LSM3: variants seen among roughly 807,000 people sequenced by gnomAD.
LSM3 encodes the protein U6 snRNA-associated Sm-like protein LSm3.
In LSM3, 14 loss-of-function variants were observed where a neutral mutation model predicts 15.4. That is an observed-to-expected ratio of 0.91 (90% CI 0.60 to 1.42). The LOEUF (loss-of-function observed/expected upper bound fraction) is 1.42, where lower values mean the gene tolerates loss of function less well. LSM3 is among the 40% of genes most tolerant of loss of function. LSM3 has a pLI of 0.00. For missense variants in LSM3, 88 were observed against 127.9 expected (o/e 0.69, Z 1.50); for synonymous variants, 46 against 45.1 (o/e 1.02, Z -0.08).
chr3:14,187,271 T>A (rs768571002), intron 3 of LSM3, among the ~76,000 whole-genome samples: 2 of 152,190 alleles, frequency 1.3e-5, no homozygotes, highest in Non-Finnish European at 2.9e-5. Flanking sequence ...CCATTAAGAT[T>A]AATTGCTGCC....
At chr3:14,195,404 C>A (rs750819204) in intron 3 of LSM3, among the ~76,000 whole-genome samples, 14 of 152,170 alleles carry the variant, frequency 9.2e-5, no homozygotes, top group African/African-American at 2.2e-4. Flanking sequence ...TCTGCTCCCC[C>A]CCACCCACAC....
In LSM3 at chr3:14,192,724, T is replaced by C. The variant is rs545628679; in HGVS notation, c.229-5312T>C. On this transcript the variant is annotated intron_variant, in intron 3 of 3. Coordinates refer to ENST00000306024, the MANE Select transcript of LSM3 (RefSeq NM_014463.3). Reference sequence around the variant, plus strand: ...ACAGCACACTGATGGGTCTTGACTCTATCCAGTTTGCCAGTCTGTTTCTTT... The same window carrying C: ...ACAGCACACTGATGGGTCTTGACTCCATCCAGTTTGCCAGTCTGTTTCTTT... Among the ~76,000 whole-genome samples the C allele has an allele frequency of 7.9e-5, 12 of 152,358 alleles. No homozygotes were observed. In the South Asian group the frequency reaches 8.3e-4, roughly 11 times the overall value.
Position 14,183,972 on chromosome 3 carries a change from T to C in LSM3, c.168T>C (p.Asp56=), listed in dbSNP as rs1478679329. The C allele has an allele frequency of 6.2e-7, 1 of 1,609,398 alleles. No individual in the cohort carries two copies. Among genetic ancestry groups the C allele is most frequent in the African/African-American group, 1.3e-5 (1 of 74,720 alleles). Residue 56 remains aspartate, a synonymous_variant, in exon 3 of 4, where the codon GAT becomes GAC. Transcript: ENST00000306024. ...AACATTTAAATATGATCTTGGGAGATGTGGAAGAAACTGTGACTACTATAG... is the reference window on the plus strand; with the variant it reads ...AACATTTAAATATGATCTTGGGAGACGTGGAAGAAACTGTGACTACTATAG... The part of the protein sequence containing the change: ...YDQHLNMILG[D]VEETVTTIEI...
rs145388630 is a variant in LSM3, at chr3:14,198,111, G to A, written c.304G>A (p.Gly102Ser). Residue 102 changes from glycine to serine, a missense_variant, in exon 4 of 4, where the codon GGC becomes AGC. Physicochemically the swap from Gly to Ser is moderately conservative, Grantham distance 56. Coordinates refer to ENST00000306024, the MANE Select transcript of LSM3 (RefSeq NM_014463.3). ...VVLVAPPLRV[G>S] ...CCTGGTTGCCCCTCCACTGAGAGTT[G>A]GCTGAAACAAAGAATTTGTCCTGTA... 3.8e-5 allele frequency: 62 copies of A among 1,612,486 alleles called. No homozygotes were observed. The highest frequency in any genetic ancestry group is 4.7e-5 in the Non-Finnish European group (55 of 1,179,344).
At position 14,199,662 on chromosome 3, in the gene LSM3, TC is replaced by T. The variant is rs1187878019; in HGVS notation, c.*1550del. 1 of 152,226 alleles carries T rather than the reference TC, an allele frequency of 6.6e-6. No homozygotes were observed. The highest frequency in any genetic ancestry group is 1.5e-5 in the Non-Finnish European group (1 of 68,050). The allele number at this position is 152,226 out of a possible 1,614,324, so 9.4% of individuals were successfully genotyped here. On this transcript the variant is annotated 3_prime_UTR_variant, in exon 4 of 4. Transcript: ENST00000306024. ...AGACACCCTCCCTTCACTTGTGCCA[TC>T]CCCACGCTTTGTCCTTAAGCTGTAG...
chr3:14,193,279 A>T (rs776176308), intron 3 of LSM3, among the ~76,000 whole-genome samples: 8 of 152,102 alleles, frequency 5.3e-5, no homozygotes, highest in Non-Finnish European at 7.3e-5. Context: ...CTTGAGGAGT[A>T]TCTTTGTGGT....
chr3:14,184,089 A>G, intron 3 of LSM3, 57 bp downstream of exon 3: 1 of 1,529,774 alleles, frequency 6.5e-7, no homozygotes, highest in Non-Finnish European at 8.8e-7. Flanking sequence ...TCTCTCGAAC[A>G]GCTTAACCCA....
In LSM3 at chr3:14,199,386, T is replaced by A. The variant is rs950784318; in HGVS notation, c.*1270T>A. On this transcript the variant is annotated 3_prime_UTR_variant, in exon 4 of 4. Transcript: ENST00000306024. ...CCGCTATGGTCATTCCATTTTGAAA[T>A]GTAGAAAATCCAACTTGTGGATGGT... The A allele has an allele frequency of 7.9e-5, 12 of 152,220 alleles. No homozygotes were observed. The highest frequency in any genetic ancestry group is 2.9e-4 in the African/African-American group (12 of 41,450). The allele number at this position is 152,220 out of a possible 1,614,324, so 9.4% of individuals were successfully genotyped here.
At chr3:14,180,061 T>C (rs1310624115) in intron 1 of LSM3, among the ~76,000 whole-genome samples, 1 of 152,148 alleles carries the variant, frequency 6.6e-6, no homozygotes, top group Non-Finnish European at 1.5e-5. Context: ...TCATCAGGCC[T>C]TTTGAATCTT....
At chr3:14,186,557 TTC>T (rs1697091364) in intron 3 of LSM3, among the ~76,000 whole-genome samples, 2 of 152,260 alleles carry the variant, frequency 1.3e-5, no homozygotes, top group East Asian at 3.8e-4. Context: ...TTTGCTAGTG[TTC>T]TTTCTCCTTC....
Position 14,178,849 on chromosome 3 carries a change from A to C in LSM3, c.-12A>C. On this transcript the variant is annotated 5_prime_UTR_variant, in exon 1 of 4. Transcript: ENST00000306024. ...TCTCGCGAGAGGCGGGAAAGGGCGC[A>C]GGGTTTGAAACATGGCGGACGACGT... The C allele has an allele frequency of 1.2e-6, 2 of 1,614,242 alleles. No individual in the cohort carries two copies. Among genetic ancestry groups the C allele is most frequent in the Non-Finnish European group, 1.7e-6 (2 of 1,180,032 alleles).
intron 1 of LSM3, among the ~76,000 whole-genome samples, chr3:14,179,242 A>G (rs36208720): frequency 1.6e-4 from 25 of 152,366 alleles, no homozygotes; most frequent in African/African-American, 5.8e-4. Flanking sequence ...TAGAGTGAAC[A>G]TCAGCTTTGT....
intron 2 of LSM3, 53 bp downstream of exon 2, chr3:14,181,723 C>T (rs1574987083): frequency 7.7e-7 from 1 of 1,290,950 alleles, no homozygotes; most frequent in East Asian, 2.3e-5. Flanking sequence ...TACCCCCACT[C>T]CCTTGAAATG....
chr3:14,193,760 C>T (rs187025729), intron 3 of LSM3, among the ~76,000 whole-genome samples: 1 of 152,292 alleles, frequency 6.6e-6, no homozygotes, highest in African/African-American at 2.4e-5. Context: ...TATTACCCAC[C>T]TTCTGAAGCC....
intron 1 of LSM3, among the ~76,000 whole-genome samples, chr3:14,179,236 G>A (rs1324588532): frequency 6.6e-6 from 1 of 152,202 alleles, no homozygotes; most frequent in African/African-American, 2.4e-5. Flanking sequence ...AGCAGATAGA[G>A]TGAACATCAG....
At chr3:14,194,016 C>T (rs1424798064) in intron 3 of LSM3, among the ~76,000 whole-genome samples, 4 of 152,306 alleles carry the variant, frequency 2.6e-5, no homozygotes, top group South Asian at 2.1e-4. Context: ...TCTTTCCTTC[C>T]AACAGTCAGG....
Position 14,187,521 on chromosome 3 carries a change from T to C in LSM3, c.228+3489T>C, listed in dbSNP as rs190765981. Among the ~76,000 whole-genome samples the C allele has an allele frequency of 1.5e-3, 232 of 152,314 alleles. 1 individual carries two copies. The highest frequency in any genetic ancestry group is 6.6e-4 in the Non-Finnish European group (45 of 68,032). On this transcript the variant is annotated intron_variant, in intron 3 of 3. Coordinates refer to ENST00000306024, the MANE Select transcript of LSM3 (RefSeq NM_014463.3). ...GACATAGAAAGCAAAGACAGTGATATTATAGAGAGTGTCTGCATCTGGTTC... is the reference window on the plus strand; with the variant it reads ...GACATAGAAAGCAAAGACAGTGATACTATAGAGAGTGTCTGCATCTGGTTC...
intron 1 of LSM3, among the ~76,000 whole-genome samples, chr3:14,180,247 T>C (rs544087125): frequency 6.6e-6 from 1 of 152,302 alleles, no homozygotes; most frequent in South Asian, 2.1e-4. Flanking sequence ...AGTTCTGTAA[T>C]AATATAATAT....
At chr3:14,180,323 C>A (rs892062251) in intron 1 of LSM3, among the ~76,000 whole-genome samples, 2 of 151,816 alleles carry the variant, frequency 1.3e-5, no homozygotes, top group African/African-American at 2.4e-5. Context: ...GAGTCTCACT[C>A]TATCGCCCAG....
Sources: gnomAD v4.1 joint callset for allele counts (sites outside exome capture counted in the v4.1 genomes callset) on GRCh38, gnomAD v4.1.1 for gene constraint, MANE v1.5 for transcripts, NCBI Gene and HGNC (gene_info 2026-07-23, HGNC 2026-07-21) for gene names.